MEIS2: variants seen among roughly 807,000 people sequenced by gnomAD.
MEIS2 encodes the protein homeobox protein Meis2.
Under a neutral mutation model 58.6 loss-of-function variants are expected in MEIS2, and 9 were observed. The observed-to-expected ratio is 0.15, with a 90% CI of 0.09 to 0.27. MEIS2 has a LOEUF of 0.27. Among genes scored for constraint, MEIS2 ranks in the 10% least tolerant of loss-of-function variants. The pLI is 1.00. For missense variants in MEIS2, 427 were observed against 635.0 expected (o/e 0.67, Z 3.52); for synonymous variants, 221 against 228.4 (o/e 0.97, Z 0.29).
intron 8 of MEIS2, among the ~76,000 whole-genome samples, chr15:37,026,515 T>C (rs1457945479): frequency 6.6e-6 from 1 of 152,206 alleles, no homozygotes. Context: ...TATTATAATG[T>C]GATAACAGAG....
intron 2 of MEIS2, among the ~76,000 whole-genome samples, chr15:37,096,819 C>T (rs970357501): frequency 1.2e-4 from 18 of 152,132 alleles, no homozygotes; most frequent in Non-Finnish European, 1.8e-4. Flanking sequence ...GCCCTGACCT[C>T]CCAAGAAGGG....
intron 7 of MEIS2, among the ~76,000 whole-genome samples, chr15:37,050,622 G>A (rs573952314): frequency 3.9e-5 from 6 of 152,116 alleles, no homozygotes; most frequent in Non-Finnish European, 7.4e-5. Flanking sequence ...CTATTTCTCT[G>A]GGCAGTTGTA....
intron 8 of MEIS2, among the ~76,000 whole-genome samples, chr15:37,018,059 A>G (rs988751000): frequency 6.6e-6 from 1 of 152,172 alleles, no homozygotes; most frequent in African/African-American, 2.4e-5. Context: ...AGGAAGTATT[A>G]TCATTATCCC....
intron 7 of MEIS2, 86 bp downstream of exon 7, chr15:37,083,685 A>G: frequency 9.5e-7 from 1 of 1,056,238 alleles, no homozygotes; most frequent in Non-Finnish European, 1.4e-6. Flanking sequence ...TCCTGTTTAC[A>G]TGGCGGCAGA....
chr15:36,970,144 T>C (rs1293897400), intron 8 of MEIS2, among the ~76,000 whole-genome samples: 4 of 151,992 alleles, frequency 2.6e-5, no homozygotes, highest in South Asian at 2.1e-4. Context: ...TGGCTCACGC[T>C]TGTAATCCCA....
intron 11 of MEIS2, 103 bp from the exon 12 acceptor site, chr15:36,892,562 T>C (rs1172960423): frequency 1.5e-5 from 15 of 1,006,162 alleles, no homozygotes; most frequent in Non-Finnish European, 1.9e-5. Flanking sequence ...CAACAGACAC[T>C]GCAAATCTTA....
chr15:37,042,072 T>C (rs1428447289), intron 7 of MEIS2, among the ~76,000 whole-genome samples: 1 of 151,858 alleles, frequency 6.6e-6, no homozygotes, highest in African/African-American at 2.4e-5. Context: ...GATGGCTTGA[T>C]CCCAAGAGTT....
intron 9 of MEIS2, among the ~76,000 whole-genome samples, chr15:36,942,427 G>C (rs571124277): frequency 4.6e-5 from 7 of 152,078 alleles, no homozygotes; most frequent in South Asian, 2.1e-4. Flanking sequence ...CGAATTGGGC[G>C]GAATTCCTGG....
chr15:36,954,459 A>T (rs574488232), intron 8 of MEIS2, among the ~76,000 whole-genome samples: 18 of 147,908 alleles, frequency 1.2e-4, no homozygotes, highest in African/African-American at 4.2e-4. Context: ...AATTGTAATT[A>T]TATATAATTA....
intron 10 of MEIS2, among the ~76,000 whole-genome samples, chr15:36,895,617 C>T (rs1458386593): frequency 6.6e-6 from 1 of 152,200 alleles, no homozygotes; most frequent in Non-Finnish European, 1.5e-5. Context: ...GCTGCCATCT[C>T]TGGTGGCTTA....
chr15:37,051,468 G>T (rs1283692998), intron 7 of MEIS2, among the ~76,000 whole-genome samples: 2 of 152,192 alleles, frequency 1.3e-5, no homozygotes, highest in African/African-American at 4.8e-5. Context: ...TATATAGAGG[G>T]AGGGAGTGAT....
At chr15:36,951,522 T>G (rs1356341395) in intron 8 of MEIS2, among the ~76,000 whole-genome samples, 1 of 152,148 alleles carries the variant, frequency 6.6e-6, no homozygotes, top group East Asian at 1.9e-4. Context: ...TCATCTAAGA[T>G]TTTATTCTTC....
intron 7 of MEIS2, among the ~76,000 whole-genome samples, chr15:37,079,116 A>C (rs1407031381): frequency 6.6e-6 from 1 of 152,142 alleles, no homozygotes; most frequent in African/African-American, 2.4e-5. Context: ...GCATTATTTT[A>C]AATTTTATTT....
intron 3 of MEIS2, 110 bp from the exon 4 acceptor site, chr15:37,095,724 T>C: frequency 6.7e-7 from 1 of 1,493,132 alleles, no homozygotes; most frequent in African/African-American, 1.4e-5. Flanking sequence ...GAAAGGGGCT[T>C]TGGCAAAATA....
intron 8 of MEIS2, among the ~76,000 whole-genome samples, chr15:36,957,099 AAGAT>A (rs2059007801): frequency 5.3e-5 from 8 of 152,172 alleles, no homozygotes; most frequent in Admixed American, 5.2e-4. Flanking sequence ...TAAAATTTGA[AAGAT>A]AGAGGCTTTA....
chr15:36,991,258 T>C (rs1315200851), intron 8 of MEIS2, among the ~76,000 whole-genome samples: 5 of 143,214 alleles, frequency 3.5e-5, no homozygotes, highest in Non-Finnish European at 6.0e-5. Flanking sequence ...TTTCTCTCTT[T>C]TTTTTTTTTG....
At chr15:36,962,110 C>T (rs1474153450) in intron 8 of MEIS2, among the ~76,000 whole-genome samples, 2 of 152,188 alleles carry the variant, frequency 1.3e-5, no homozygotes, top group African/African-American at 4.8e-5. Flanking sequence ...ATTCTGACAG[C>T]TGGTGCCTGT....
chr15:37,053,760 CTATAT>C (rs1188834395), intron 7 of MEIS2, among the ~76,000 whole-genome samples: 3 of 152,100 alleles, frequency 2.0e-5, no homozygotes, highest in African/African-American at 7.2e-5. Flanking sequence ...TCTAGTTTTT[CTATAT>C]ATATGATGGG....
intron 8 of MEIS2, among the ~76,000 whole-genome samples, chr15:36,956,140 GAGCCGAGCGACTCAGTCC>G (rs1369105462): frequency 7.0e-6 from 1 of 141,964 alleles, no homozygotes; most frequent in Non-Finnish European, 1.5e-5. Flanking sequence ...AGCTTGCAGT[GAGCCGAGCGACTCAGTCC>G]AGCCTGGGCG....
Sources: allele counts gnomAD v4.1 joint callset (sites outside exome capture counted in the v4.1 genomes callset), GRCh38; gene constraint gnomAD v4.1.1; transcripts MANE v1.5; gene names NCBI Gene and HGNC (gene_info 2026-07-23, HGNC 2026-07-21).